The following WDR1 variants were observed in gnomAD, a reference collection of about 807,000 sequenced individuals.
The protein encoded by WDR1 is WD repeat-containing protein 1.
In WDR1, 21 loss-of-function variants were observed where a neutral mutation model predicts 71.9. That is an observed-to-expected ratio of 0.29 (90% CI 0.21 to 0.42). The LOEUF (loss-of-function observed/expected upper bound fraction) is 0.42. WDR1 is among the 10% of genes least tolerant of loss of function. WDR1 has a pLI of 1.00. For missense variants in WDR1, 696 were observed against 824.5 expected (o/e 0.84, Z 1.91); for synonymous variants, 424 against 347.4 (o/e 1.22, Z -2.45).
At chr4:10,093,032 C>T (rs898818158) in intron 5 of WDR1, 6 of 1,285,868 alleles carry the variant, frequency 4.7e-6, no homozygotes, top group African/African-American at 1.5e-5. Context: ...CACCAATATG[C>T]TCCCTCTCAC....
intron 5 of WDR1, among the ~76,000 whole-genome samples, chr4:10,091,352 C>T (rs137942938): frequency 0.011 from 1,646 of 152,298 alleles, 13 homozygotes; most frequent in Non-Finnish European, 0.017. Context: ...AGCAGTTTCC[C>T]CAGAAGGCCC....
chr4:10,110,924 C>G (rs1265209490), intron 2 of WDR1, among the ~76,000 whole-genome samples: 3 of 152,230 alleles, frequency 2.0e-5, no homozygotes, highest in Non-Finnish European at 2.9e-5. Flanking sequence ...CTGAAAATCA[C>G]TGATTTTAAT....
intron 2 of WDR1, among the ~76,000 whole-genome samples, chr4:10,112,975 G>C (rs1166285453): frequency 6.6e-6 from 1 of 152,218 alleles, no homozygotes; most frequent in Non-Finnish European, 1.5e-5. Flanking sequence ...CCTACTTATT[G>C]TCAGCAATGA....
At chr4:10,094,912 C>T (rs1712230500) in intron 5 of WDR1, 1 of 152,266 alleles carries the variant, frequency 6.6e-6, no homozygotes, top group Non-Finnish European at 1.5e-5. Flanking sequence ...CAGAACATGC[C>T]TTGTTCCTTT....
chr4:10,102,873 C>T (rs1420814256), intron 3 of WDR1, among the ~76,000 whole-genome samples: 1 of 152,212 alleles, frequency 6.6e-6, no homozygotes, highest in African/African-American at 2.4e-5. Context: ...CATCAGCTTA[C>T]TCACTTGGCC....
At chr4:10,107,631 C>G (rs1284480744) in intron 2 of WDR1, among the ~76,000 whole-genome samples, 2 of 152,166 alleles carry the variant, frequency 1.3e-5, no homozygotes, top group African/African-American at 4.8e-5. Flanking sequence ...CAGACCCCTT[C>G]CCCAGTGGCC....
In WDR1 at chr4:10,116,203, C is replaced by G. The variant is rs1441897781; in HGVS notation, c.48G>C (p.Glu16Asp). Residue 16 changes from glutamate (E) to aspartate (D), a missense_variant, in exon 2 of 15, where the codon GAG (glutamate) becomes GAC (aspartate). Glu to Asp is a conservative substitution (Grantham distance 45, BLOSUM62 2). Coordinates refer to ENST00000499869, the MANE Select transcript of WDR1 (RefSeq NM_017491.5). Reference sequence around the variant, plus strand: ...CGCCGATGATCTTGGAGACGCCCCTCTCCACCTGCGGGAGGCTGGCGAACA... The same window carrying G: ...CGCCGATGATCTTGGAGACGCCCCTGTCCACCTGCGGGAGGCTGGCGAACA... The part of the protein sequence containing the change: ...KKVFASLPQV[E>D]RGVSKIIGGD... 2 of 1,613,778 alleles carry G rather than the reference C, an allele frequency of 1.2e-6. No homozygotes were observed. The highest frequency in any genetic ancestry group is 2.2e-5 in the East Asian group (1 of 44,884).
chr4:10,078,932 C>A lies in WDR1; in HGVS notation c.1354G>T (p.Ala452Ser). 1 of 1,612,990 alleles carries A rather than the reference C, an allele frequency of 6.2e-7. No individual in the cohort carries two copies. The highest frequency in any genetic ancestry group is 8.5e-7 in the Non-Finnish European group (1 of 1,179,410). ...ACCGTGTCCCCGCCGGGGTGCACTG[C>A]CACAACTTCGGGCTCGTAGCCGGGG... ...DNPGYEPEVV[A>S]VHPGGDTVAI... Residue 452 changes from alanine to serine, a missense_variant, in exon 12 of 15, where the codon GCA (alanine) becomes TCA (serine). Transcript: ENST00000499869.
At position 10,102,861 on chromosome 4, in the gene WDR1, C is replaced by T. The variant is rs150276867; in HGVS notation, c.229+1035G>A. Among the ~76,000 whole-genome samples, 542 of 152,258 alleles carry T rather than the reference C, an allele frequency of 3.6e-3. 3 individuals carry two copies. The highest frequency in any genetic ancestry group is 5.9e-3 in the Admixed American group (90 of 15,298). On this transcript the variant is annotated intron_variant, in intron 3 of 14. Transcript: ENST00000499869. ...ACTCTCCAGAGAGGCTGATGAGGCC[C>T]ACATCAGCTTACTCACTTGGCCTCC...
chr4:10,091,174 C>A (rs1711952274), intron 5 of WDR1, among the ~76,000 whole-genome samples: 1 of 152,272 alleles, frequency 6.6e-6, no homozygotes. Flanking sequence ...ACGGTCGTCT[C>A]TGGCTATGGT....
chr4:10,103,782 A>ACC, intron 3 of WDR1, 114 bp downstream of exon 3: 1 of 72,402 alleles, frequency 1.4e-5, no homozygotes, highest in South Asian at 1.3e-4. Context: ...CTGCTCCCCC[A>ACC]CCCCCCACCT....
intron 9 of WDR1, among the ~76,000 whole-genome samples, chr4:10,083,910 A>C (rs984500425): frequency 9.9e-5 from 15 of 152,264 alleles, no homozygotes; most frequent in Admixed American, 7.9e-4. Flanking sequence ...ACATCACCGA[A>C]GGGCCACAAG....
chr4:10,092,954 G>A, intron 5 of WDR1: 4 of 814,680 alleles, frequency 4.9e-6, no homozygotes, highest in South Asian at 2.8e-5. Context: ...GTCCTCCCTT[G>A]CAGCCAACAC....
intron 2 of WDR1, among the ~76,000 whole-genome samples, chr4:10,110,710 T>C (rs966122684): frequency 6.6e-6 from 1 of 152,246 alleles, no homozygotes; most frequent in Non-Finnish European, 1.5e-5. Flanking sequence ...GCACTTAACC[T>C]GGTGCCTTCG....
In WDR1 at chr4:10,081,445, C is replaced by G; in HGVS notation, c.1197-1G>C. 6.2e-7 allele frequency: 1 copy of G among 1,613,790 alleles called. No homozygotes were observed. The highest frequency in any genetic ancestry group is 8.5e-7 in the Non-Finnish European group (1 of 1,179,796). Reference sequence around the variant, plus strand: ...GTCCAGTTTCACAACTCCTTGTCCGCTGTTAGAGAGAAAGGAAGCACATTA... The same window carrying G: ...GTCCAGTTTCACAACTCCTTGTCCGGTGTTAGAGAGAAAGGAAGCACATTA... On this transcript the variant is annotated splice_acceptor_variant, in intron 10 of 14. Coordinates refer to ENST00000499869, the MANE Select transcript of WDR1 (RefSeq NM_017491.5). LOFTEE classifies it high-confidence loss of function.
intron 4 of WDR1, among the ~76,000 whole-genome samples, chr4:10,098,573 C>G (rs901415219): frequency 1.3e-5 from 2 of 152,240 alleles, no homozygotes; most frequent in Admixed American, 1.3e-4. Context: ...GCCCCTCCCT[C>G]CTCCATCAGA....
intron 3 of WDR1, among the ~76,000 whole-genome samples, chr4:10,100,576 T>TCA (rs754652317): frequency 2.0e-5 from 3 of 152,332 alleles, no homozygotes; most frequent in Non-Finnish European, 4.4e-5. Context: ...TGTCCTGCTC[T>TCA]CAGTCCAGCT....
chr4:10,099,647 C>T (rs1712568714), intron 3 of WDR1, among the ~76,000 whole-genome samples: 1 of 152,284 alleles, frequency 6.6e-6, no homozygotes, highest in African/African-American at 2.4e-5. Context: ...TGTGAGGGTG[C>T]AGCGTGCTGC....
intron 9 of WDR1, chr4:10,083,759 C>A (rs1156259301): frequency 4.4e-6 from 2 of 450,622 alleles, no homozygotes; most frequent in East Asian, 1.4e-4. Context: ...AGGTTCAAGA[C>A]ACACCCGTGA....
Sources: allele counts gnomAD v4.1 joint callset (sites outside exome capture counted in the v4.1 genomes callset), GRCh38; gene constraint gnomAD v4.1.1; transcripts MANE v1.5; gene names NCBI Gene and HGNC (gene_info 2026-07-23, HGNC 2026-07-21).